The following OPCML variants were observed in gnomAD, a reference collection of about 807,000 sequenced individuals.
OPCML encodes opioid-binding protein/cell adhesion molecule.
OPCML carries 13 observed loss-of-function variants against 37.8 expected under a neutral mutation model. The observed-to-expected ratio is 0.34, with a 90% CI of 0.22 to 0.55. The LOEUF is 0.55. OPCML is among the 20% of genes least tolerant of loss of function. The pLI, the probability that OPCML is intolerant of heterozygous loss-of-function variation, is 0.91. For missense variants in OPCML, 341 were observed against 435.6 expected (o/e 0.78, Z 1.93); for synonymous variants, 176 against 168.8 (o/e 1.04, Z -0.33).
chr11:133,379,694 CA>C (rs1944892281), intron 1 of OPCML, among the ~76,000 whole-genome samples: 1 of 152,122 alleles, frequency 6.6e-6, no homozygotes. Flanking sequence ...AGCTATGTTC[CA>C]TGAAATGTGA....
At chr11:133,138,897 T>G (rs906394657) in intron 1 of OPCML, among the ~76,000 whole-genome samples, 1 of 152,142 alleles carries the variant, frequency 6.6e-6, no homozygotes, top group Admixed American at 6.5e-5. Flanking sequence ...AAGTCTATTC[T>G]CCATTCATAA....
intron 1 of OPCML, among the ~76,000 whole-genome samples, chr11:133,158,712 A>AATAAAATAAAATAAAAT (rs1555105907): frequency 5.1e-4 from 68 of 134,254 alleles, no homozygotes; most frequent in Middle Eastern, 3.6e-3. Context: ...ATAAAATTAA[A>AATAAAATAAAATAAAAT]AAAATAAAAT....
chr11:132,419,835 T>C lies in OPCML; in HGVS notation c.*358A>G. The C allele has an allele frequency of 4.6e-6, 1 of 216,568 alleles. No homozygotes were observed. Among genetic ancestry groups the C allele is most frequent in the East Asian group, 1.2e-4 (1 of 8,570 alleles). 13.4% of individuals were successfully genotyped at this position (216,568 alleles called of 1,614,324 possible). A position where few individuals can be genotyped will look rare whatever the true frequency, so the allele number is the denominator to read the frequency against. ...AGGGTGTTTATTGTGAGGCTCAATT[T>C]TTGCCCAAATGAAACTTACGTTTTG... On this transcript the variant is annotated 3_prime_UTR_variant, in exon 8 of 8. Transcript: ENST00000524381.
At chr11:133,487,140 T>C (rs1287386316) in intron 1 of OPCML, among the ~76,000 whole-genome samples, 1 of 152,118 alleles carries the variant, frequency 6.6e-6, no homozygotes, top group Non-Finnish European at 1.5e-5. Context: ...AATAAGCTGG[T>C]AAATTGCAAA....
chr11:132,467,924 A>T (rs570116856), intron 4 of OPCML, among the ~76,000 whole-genome samples: 2 of 152,338 alleles, frequency 1.3e-5, no homozygotes, highest in South Asian at 4.1e-4. Context: ...GTTTGGTGTC[A>T]CGGTGAACAG....
chr11:132,576,391 T>C (rs4130459), intron 3 of OPCML, among the ~76,000 whole-genome samples: 8 of 151,924 alleles, frequency 5.3e-5, no homozygotes, highest in African/African-American at 1.9e-4. Context: ...AAATCCTTTT[T>C]TTTTTCTGCT....
intron 2 of OPCML, among the ~76,000 whole-genome samples, chr11:132,760,077 G>A (rs1380355949): frequency 6.6e-6 from 1 of 152,132 alleles, no homozygotes; most frequent in East Asian, 1.9e-4. Context: ...TTCAGGAGCA[G>A]GTTGTTCAGT....
chr11:133,468,183 GCACGGTTTC>G (rs937722367), intron 1 of OPCML, among the ~76,000 whole-genome samples: 2 of 152,192 alleles, frequency 1.3e-5, no homozygotes, highest in Non-Finnish European at 2.9e-5. Flanking sequence ...GATGGCAATG[GCACGGTTTC>G]CAGGATGCTT....
chr11:132,552,294 A>G (rs186200979), intron 3 of OPCML, among the ~76,000 whole-genome samples: 3 of 152,350 alleles, frequency 2.0e-5, no homozygotes, highest in East Asian at 3.9e-4. Flanking sequence ...AAGACATTAC[A>G]TGAGACCTCT....
chr11:132,596,539 C>T (rs909216521), intron 3 of OPCML, among the ~76,000 whole-genome samples: 1 of 152,084 alleles, frequency 6.6e-6, no homozygotes, highest in Non-Finnish European at 1.5e-5. Flanking sequence ...CCCCTAGACC[C>T]CAAGGACTAG....
At chr11:132,601,735 G>T (rs898014289) in intron 3 of OPCML, among the ~76,000 whole-genome samples, 2 of 152,104 alleles carry the variant, frequency 1.3e-5, no homozygotes, top group African/African-American at 4.8e-5. Context: ...CACCTAAACT[G>T]ATCATGGATA....
At chr11:132,632,013 A>G (rs921137733) in intron 3 of OPCML, among the ~76,000 whole-genome samples, 2 of 152,064 alleles carry the variant, frequency 1.3e-5, no homozygotes, top group Non-Finnish European at 2.9e-5. Flanking sequence ...GGGTAACGAA[A>G]CACGTAGCTG....
At chr11:132,623,664 G>T (rs1939565307) in intron 3 of OPCML, among the ~76,000 whole-genome samples, 2 of 152,146 alleles carry the variant, frequency 1.3e-5, no homozygotes, top group Admixed American at 1.3e-4. Flanking sequence ...GTGTGGGTGG[G>T]CAGGCATGGC....
Position 132,943,201 on chromosome 11 carries a change from G to A in OPCML, c.62-191C>T. 1 of 1,532,646 alleles carries A rather than the reference G, an allele frequency of 6.5e-7. No individual in the cohort carries two copies. Among genetic ancestry groups the A allele is most frequent in the Non-Finnish European group, 8.9e-7 (1 of 1,125,198 alleles). 94.9% of individuals were successfully genotyped at this position (1,532,646 alleles called of 1,614,324 possible). On this transcript the variant is annotated intron_variant, in intron 1 of 7. Transcript: ENST00000524381. The surrounding 1 kb of genome is among the most constrained non-coding windows in gnomAD (Gnocchi z 4.3). ...GTGCGGGGAGGAGGGAAGGGGCAGA[G>A]TTCGCCAGGAGCAGGGGGAAGGAGA...
chr11:132,895,527 C>T (rs1291091511), intron 2 of OPCML, among the ~76,000 whole-genome samples: 8 of 152,238 alleles, frequency 5.3e-5, no homozygotes, highest in East Asian at 1.9e-4. Context: ...CTCTCAGCTC[C>T]GCAGGCGTCT....
chr11:133,193,242 TA>T (rs912527128), intron 1 of OPCML, among the ~76,000 whole-genome samples: 3 of 151,938 alleles, frequency 2.0e-5, no homozygotes, highest in African/African-American at 2.4e-5. Context: ...CTGAATAACA[TA>T]AAAAAAAGTC....
At chr11:133,320,752 A>T (rs1381538327) in intron 1 of OPCML, among the ~76,000 whole-genome samples, 1 of 152,238 alleles carries the variant, frequency 6.6e-6, no homozygotes, top group Admixed American at 6.5e-5. Context: ...GGGTCACCCC[A>T]CAATTTAGAA....
At chr11:132,609,558 G>A (rs1324061616) in intron 3 of OPCML, among the ~76,000 whole-genome samples, 2 of 152,160 alleles carry the variant, frequency 1.3e-5, no homozygotes, top group Non-Finnish European at 2.9e-5. Context: ...ACGGAGTGCT[G>A]TATGCTTAGC....
chr11:132,891,012 G>A (rs1229161675), intron 2 of OPCML, among the ~76,000 whole-genome samples: 1 of 151,996 alleles, frequency 6.6e-6, no homozygotes, highest in Non-Finnish European at 1.5e-5. Flanking sequence ...ATCTTACCTT[G>A]TTTGTGTCCG....
Sources: gnomAD v4.1 joint callset for allele counts (sites outside exome capture counted in the v4.1 genomes callset) on GRCh38, gnomAD v4.1.1 for gene constraint, Gnocchi (gnomAD v3.1) non-coding constraint, MANE v1.5 for transcripts, NCBI Gene and HGNC (gene_info 2026-07-23, HGNC 2026-07-21) for gene names.